The following ATP1A2 variants were observed in gnomAD, a reference collection of about 807,000 sequenced individuals.
ATP1A2 encodes the protein ATPase Na+/K+ transporting subunit alpha 2.
In ATP1A2, 56 loss-of-function variants were observed where a neutral mutation model predicts 113.1. That is an observed-to-expected ratio of 0.49 (90% CI 0.40 to 0.62). The LOEUF (loss-of-function observed/expected upper bound fraction) is 0.62. Among genes scored for constraint, ATP1A2 ranks in the 20% least tolerant of loss-of-function variants. ATP1A2 has a pLI of 0.00. For missense variants in ATP1A2, 712 were observed against 1,357.8 expected (o/e 0.52, Z 7.47); for synonymous variants, 490 against 526.8 (o/e 0.93, Z 0.96).
chr1:160,128,944 G>T (rs1222865180), intron 9 of ATP1A2, 36 bp from the exon 10 acceptor site: 1 of 1,595,510 alleles, frequency 6.3e-7, no homozygotes. Flanking sequence ...GCTCTAAAGG[G>T]AGCCACGCTC....
intron 4 of ATP1A2, 109 bp from the exon 5 acceptor site, chr1:160,123,834 A>G: frequency 1.0e-6 from 1 of 983,774 alleles, no homozygotes; most frequent in Non-Finnish European, 1.6e-6. Flanking sequence ...GTCACAGACA[A>G]AGGTCTGGGC....
chr1:160,135,418 G>T lies in ATP1A2; in HGVS notation c.2116-16G>T, dbSNP rs777540455. 3.1e-6 allele frequency: 5 copies of T among 1,614,160 alleles called. No individual in the cohort carries two copies. Among genetic ancestry groups the T allele is most frequent in the Non-Finnish European group, 4.2e-6 (5 of 1,180,030 alleles). On this transcript the variant is annotated splice_polypyrimidine_tract_variant and intron_variant, in intron 15 of 22. Transcript: ENST00000361216. This position sits in a 1 kb window ranked among gnomAD's most constrained non-coding sequence, Gnocchi z 6.3. ...GGAAGGGGTTTCGTCCTCAAGTGTGGCCGTCTTCCCTCCAGGGAGCCATTG... is the reference window on the plus strand; with the variant it reads ...GGAAGGGGTTTCGTCCTCAAGTGTGTCCGTCTTCCCTCCAGGGAGCCATTG...
intron 1 of ATP1A2, among the ~76,000 whole-genome samples, chr1:160,119,094 T>C (rs969362097): frequency 2.6e-5 from 4 of 151,918 alleles, no homozygotes; most frequent in South Asian, 2.1e-4. Context: ...AACACTCTGA[T>C]GCAGGGTGTT....
At chr1:160,133,695 C>A (rs1651834121) in intron 13 of ATP1A2, among the ~76,000 whole-genome samples, 1 of 152,034 alleles carries the variant, frequency 6.6e-6, no homozygotes, top group Non-Finnish European at 1.5e-5. Flanking sequence ...GTCCTATATC[C>A]AGGTCCCTGT....
chr1:160,134,313 C>T (rs1651866902), intron 13 of ATP1A2, among the ~76,000 whole-genome samples, 171 bp from the exon 14 acceptor site: 1 of 151,708 alleles, frequency 6.6e-6, no homozygotes, highest in Non-Finnish European at 1.5e-5. Flanking sequence ...ACATACACCC[C>T]ACCCCAGCCA....
At chr1:160,131,500 T>C (rs931955753) in intron 13 of ATP1A2, among the ~76,000 whole-genome samples, 2 of 152,074 alleles carry the variant, frequency 1.3e-5, no homozygotes, top group East Asian at 1.9e-4. Flanking sequence ...AACCACTCTG[T>C]CTCCGAGGCA....
intron 4 of ATP1A2, 63 bp from the exon 5 acceptor site, chr1:160,123,880 T>A: frequency 2.1e-6 from 3 of 1,449,710 alleles, no homozygotes; most frequent in Non-Finnish European, 1.9e-6. Context: ...TCATCCCAAG[T>A]GGCAGCTGCC....
rs886045417 is a variant in ATP1A2, at chr1:160,127,557, G to A, written c.754G>A (p.Ala252Thr). 6.2e-7 allele frequency: 1 copy of A among 1,614,224 alleles called. No individual in the cohort carries two copies. The highest frequency in any genetic ancestry group is 8.5e-7 in the Non-Finnish European group (1 of 1,180,044). ...FFSTNCVEGT[A>T]RGIVIATGDR... ...GATGCCCCACCATGTTGCAGGCACTGCCAGGGGCATTGTGATTGCCACAGG... is the reference window on the plus strand; with the variant it reads ...GATGCCCCACCATGTTGCAGGCACTACCAGGGGCATTGTGATTGCCACAGG... Residue 252 changes from alanine to threonine, a missense_variant, in exon 8 of 23, where the codon GCC (alanine) becomes ACC (threonine). Ala to Thr is a moderately conservative substitution (Grantham distance 58). Coordinates refer to ENST00000361216, the MANE Select transcript of ATP1A2 (RefSeq NM_000702.4).
intron 22 of ATP1A2, 80 bp downstream of exon 22, chr1:160,140,064 C>A: frequency 7.3e-7 from 1 of 1,370,752 alleles, no homozygotes; most frequent in Non-Finnish European, 1.0e-6. Context: ...GCAGACTCCA[C>A]TCCCACTACT....
chr1:160,126,052 C>G (rs910277000), intron 7 of ATP1A2, among the ~76,000 whole-genome samples: 2 of 152,144 alleles, frequency 1.3e-5, no homozygotes, highest in African/African-American at 4.8e-5. Context: ...CTTCCCCTGT[C>G]CATTACTCAT....
intron 1 of ATP1A2, among the ~76,000 whole-genome samples, chr1:160,117,571 G>T (rs959005055): frequency 3.3e-5 from 5 of 152,158 alleles, no homozygotes; most frequent in African/African-American, 1.2e-4. Context: ...TGAGGTGGGG[G>T]TATTTAGGGC....
intron 13 of ATP1A2, among the ~76,000 whole-genome samples, chr1:160,132,191 G>A (rs16831393): frequency 3.3e-5 from 5 of 152,200 alleles, no homozygotes; most frequent in East Asian, 3.8e-4. Flanking sequence ...GTACCCTGGC[G>A]TGGCTAGACT....
rs377605497 is a variant in ATP1A2 at position 160,115,813 on chromosome 1, C to A, written c.-49C>A. On this transcript the variant is annotated 5_prime_UTR_variant, in exon 1 of 23. Coordinates refer to ENST00000361216, the MANE Select transcript of ATP1A2 (RefSeq NM_000702.4). ...AGACGGGCTGGTGTGGGCTTGGGAT[C>A]CTCCTGGTGACCTCTCCCGCTAAGG... 6 of 1,576,058 alleles carry A rather than the reference C, an allele frequency of 3.8e-6. No individual in the cohort carries two copies. The highest frequency in any genetic ancestry group is 2.3e-5 in the East Asian group (1 of 43,260).
intron 4 of ATP1A2, 68 bp downstream of exon 4, chr1:160,123,484 G>A (rs1278540859): frequency 1.0e-5 from 16 of 1,580,016 alleles, no homozygotes; most frequent in African/African-American, 2.7e-5. Flanking sequence ...CCAACACAGT[G>A]GGGGGTGGGC....
chr1:160,121,285 GAGGC>G (rs1651389919), intron 3 of ATP1A2, 34 bp downstream of exon 3: 4 of 1,611,792 alleles, frequency 2.5e-6, no homozygotes, highest in Non-Finnish European at 3.4e-6. Context: ...AGGAACAAAA[GAGGC>G]AAGAAAACCA....
chr1:160,128,359 G>T, intron 8 of ATP1A2: 1 of 703,804 alleles, frequency 1.4e-6, no homozygotes, highest in Non-Finnish European at 2.4e-6. Flanking sequence ...CTCCCAGTTT[G>T]CAGTGTCCCT....
chr1:160,143,368 G>C lies in ATP1A2; in HGVS notation c.*2046G>C, dbSNP rs1652213176. 6.6e-6 allele frequency: 1 copy of C among 152,576 alleles called. No homozygotes were observed. Among genetic ancestry groups the C allele is most frequent in the African/African-American group, 2.4e-5 (1 of 41,432 alleles). 9.5% of individuals were successfully genotyped at this position (152,576 alleles called of 1,614,324 possible). A position where few individuals can be genotyped will look rare whatever the true frequency, so the allele number is the denominator to read the frequency against. On this transcript the variant is annotated 3_prime_UTR_variant, in exon 23 of 23. Transcript: ENST00000361216. ...GTAAATTAAGAGCATAAACAATATT[G>C]CTAGAGGTGGCATGTTTAGTCTACC...
At chr1:160,129,199 C>A in intron 10 of ATP1A2, 67 bp from the exon 11 acceptor site, 1 of 1,612,174 alleles carries the variant, frequency 6.2e-7, no homozygotes, top group Admixed American at 1.7e-5. Flanking sequence ...GTTTCAGTGC[C>A]GCCTTCACCT....
chr1:160,121,120 CT>C, intron 2 of ATP1A2, 71 bp from the exon 3 acceptor site: 2 of 1,600,774 alleles, frequency 1.2e-6, no homozygotes, highest in South Asian at 2.2e-5. Flanking sequence ...CAACTCACCC[CT>C]GTGCCCTGCA....
Sources: gnomAD v4.1 joint callset for allele counts (sites outside exome capture counted in the v4.1 genomes callset) on GRCh38, gnomAD v4.1.1 for gene constraint, Gnocchi (gnomAD v3.1) non-coding constraint, MANE v1.5 for transcripts, NCBI Gene and HGNC (gene_info 2026-07-23, HGNC 2026-07-21) for gene names.